Variants in NREP observed in about 807,000 individuals in gnomAD.
NREP encodes neuronal regeneration-related protein.
A neutral mutation model predicts 8.6 loss-of-function variants in NREP; 5 were observed. That is an observed-to-expected ratio of 0.58 (90% CI 0.30 to 1.22). NREP has a LOEUF of 1.22. Among genes scored for constraint, NREP ranks in the 50% most tolerant of loss-of-function variants. The pLI is 0.07. For synonymous variants in NREP, 27 were observed against 28.0 expected (o/e 0.96, Z 0.11); for missense variants, 86 against 82.5 (o/e 1.04, Z -0.17).
At chr5:111,965,405 C>G (rs1210594062) in intron 2 of NREP, among the ~76,000 whole-genome samples, 3 of 152,144 alleles carry the variant, frequency 2.0e-5, no homozygotes, top group Non-Finnish European at 2.9e-5. Context: ...ATCTTTCACC[C>G]ATTTCTCTTA....
At chr5:111,875,587 T>C (rs570719562) in intron 2 of NREP, among the ~76,000 whole-genome samples, 7 of 152,378 alleles carry the variant, frequency 4.6e-5, no homozygotes, top group Non-Finnish European at 7.3e-5. Flanking sequence ...ACTCCCAGTA[T>C]ATCTCATTAC....
At chr5:111,791,815 T>C (rs2112894059) in intron 2 of NREP, among the ~76,000 whole-genome samples, 1 of 152,362 alleles carries the variant, frequency 6.6e-6, no homozygotes, top group African/African-American at 2.4e-5. Context: ...TTAGATATAC[T>C]ACCATTATCT....
intron 2 of NREP, among the ~76,000 whole-genome samples, chr5:111,807,625 A>G (rs756169246): frequency 1.3e-5 from 2 of 152,172 alleles, no homozygotes; most frequent in Non-Finnish European, 2.9e-5. Context: ...CTAGAGTGAA[A>G]GGTAGTTGCT....
At chr5:111,761,963 G>A (rs974706571), upstream of NREP, among the ~76,000 whole-genome samples, 1 of 152,112 alleles carries the variant, frequency 6.6e-6, no homozygotes, top group African/African-American at 2.4e-5. Flanking sequence ...TCCAGGGAAG[G>A]TTATTCTGAG....
intron 2 of NREP, among the ~76,000 whole-genome samples, chr5:111,960,668 C>G (rs1250443757): frequency 6.6e-6 from 1 of 152,154 alleles, no homozygotes; most frequent in Non-Finnish European, 1.5e-5. Context: ...CTCACTGGAG[C>G]AGTTGTGACA....
At chr5:111,800,339 A>G (rs1751975199) in intron 2 of NREP, among the ~76,000 whole-genome samples, 1 of 152,248 alleles carries the variant, frequency 6.6e-6, no homozygotes, top group Non-Finnish European at 1.5e-5. Flanking sequence ...CTTGCTGTAC[A>G]TCGGTGATTA....
intron 2 of NREP, among the ~76,000 whole-genome samples, chr5:111,847,863 G>T (rs960326917): frequency 3.9e-5 from 6 of 152,208 alleles, no homozygotes; most frequent in Non-Finnish European, 7.4e-5. Context: ...ACCACTGGTT[G>T]TATCAAGTCT....
intron 2 of NREP, among the ~76,000 whole-genome samples, chr5:111,771,082 T>C (rs1751207898): frequency 6.6e-6 from 1 of 152,222 alleles, no homozygotes; most frequent in Non-Finnish European, 1.5e-5. Flanking sequence ...ATTTTATAAT[T>C]TTTTTCCTAC....
intron 2 of NREP, among the ~76,000 whole-genome samples, chr5:111,935,932 G>A (rs555981431): frequency 1.3e-5 from 2 of 152,168 alleles, no homozygotes; most frequent in African/African-American, 4.8e-5. Context: ...AAACTGAGGT[G>A]TTAACAGGGC....
chr5:111,916,143 A>T (rs1409293704), intron 2 of NREP, among the ~76,000 whole-genome samples: 1 of 152,100 alleles, frequency 6.6e-6, no homozygotes, highest in African/African-American at 2.4e-5. Context: ...TATGAGATAT[A>T]TATTATATAT....
chr5:111,807,618 G>A (rs2112910664), intron 2 of NREP, among the ~76,000 whole-genome samples: 1 of 152,126 alleles, frequency 6.6e-6, no homozygotes, highest in East Asian at 1.9e-4. Flanking sequence ...TGAGATACTA[G>A]AGTGAAAGGT....
At chr5:111,839,623 C>T (rs4296844) in intron 2 of NREP, among the ~76,000 whole-genome samples, 53,277 of 151,768 alleles carry the variant, frequency 0.35, 9,819 homozygotes, top group East Asian at 0.61. Context: ...ACCGTTATTG[C>T]TATGGGGATA....
At chr5:111,907,833 T>C (rs1754815345) in intron 2 of NREP, among the ~76,000 whole-genome samples, 1 of 152,048 alleles carries the variant, frequency 6.6e-6, no homozygotes, top group Non-Finnish European at 1.5e-5. Flanking sequence ...GAAGTGTTCC[T>C]CTCAAGGGCT....
intron 2 of NREP, among the ~76,000 whole-genome samples, chr5:111,948,023 G>T (rs1756040099): frequency 6.6e-6 from 1 of 151,946 alleles, no homozygotes; most frequent in African/African-American, 2.4e-5. Flanking sequence ...CAGTTTCCAA[G>T]AACCATATTA....
rs574493625 is a variant in NREP, at chr5:111,885,132, G to A, written c.135+90142C>T. On this transcript the variant is annotated intron_variant, in intron 2 of 3. Transcript: ENST00000395634. Reference sequence around the variant, plus strand: ...GATAAGCAACTTCAGCAAAGTCTCAGGATACAAAATCAATGTGCAAAAATC... The same window carrying A: ...GATAAGCAACTTCAGCAAAGTCTCAAGATACAAAATCAATGTGCAAAAATC... Among the ~76,000 whole-genome samples the A allele has an allele frequency of 8.0e-3, 1,216 of 151,952 alleles. 14 individuals are homozygous for A. The highest frequency in any genetic ancestry group is 0.014 in the Middle Eastern group (4 of 294).
At chr5:111,881,422 A>C (rs935758438) in intron 2 of NREP, among the ~76,000 whole-genome samples, 3 of 152,190 alleles carry the variant, frequency 2.0e-5, no homozygotes, top group Admixed American at 1.3e-4. Flanking sequence ...ACAAAAAGAC[A>C]GCAGTAACCT....
At chr5:111,747,478 A>G (rs929623721) in intron 2 of NREP, among the ~76,000 whole-genome samples, 1 of 152,176 alleles carries the variant, frequency 6.6e-6, no homozygotes, top group Non-Finnish European at 1.5e-5. Flanking sequence ...ATCAAAGGAC[A>G]TGGTGTGTGA....
intron 2 of NREP, among the ~76,000 whole-genome samples, chr5:111,913,101 C>T (rs1394726688): frequency 1.3e-5 from 2 of 152,000 alleles, no homozygotes; most frequent in Non-Finnish European, 2.9e-5. Flanking sequence ...TTTTACAGCA[C>T]AACAAAAGTT....
At chr5:111,818,742 T>C (rs1024569430) in intron 2 of NREP, among the ~76,000 whole-genome samples, 4 of 152,352 alleles carry the variant, frequency 2.6e-5, no homozygotes, top group East Asian at 1.9e-4. Context: ...TAGTGTACCA[T>C]TGTTTGACAA....
Sources: gnomAD v4.1 joint callset for allele counts (sites outside exome capture counted in the v4.1 genomes callset) on GRCh38, gnomAD v4.1.1 for gene constraint, MANE v1.5 for transcripts, NCBI Gene and HGNC (gene_info 2026-07-23, HGNC 2026-07-21) for gene names.